Variants in PEX5L observed in about 807,000 individuals in gnomAD.
PEX5L encodes PEX5-related protein.
A neutral mutation model predicts 84.0 loss-of-function variants in PEX5L; 30 were observed. The observed-to-expected ratio is 0.36, with a 90% CI of 0.27 to 0.48. The LOEUF is 0.48. Among genes scored for constraint, PEX5L ranks in the 20% least tolerant of loss-of-function variants. PEX5L has a pLI of 0.99. For synonymous variants in PEX5L, 270 were observed against 283.1 expected, an observed-to-expected ratio of 0.95 and a Z score of 0.46; for missense variants, 533 against 754.6, an observed-to-expected ratio of 0.71 and a Z score of 3.44.
chr3:179,891,736 A>G (rs531344208), intron 3 of PEX5L, among the ~76,000 whole-genome samples: 1 of 152,286 alleles, frequency 6.6e-6, no homozygotes, highest in South Asian at 2.1e-4. Flanking sequence ...TTTTAGTCAT[A>G]GGAAGTCCCA....
chr3:179,900,140 A>G lies in PEX5L; in HGVS notation c.94-1894T>C, dbSNP rs1040888064. The stretch of plus-strand genomic sequence containing the variant: ...GCTATAAACTTAGTACATCTTTATA[A>G]GCTACACTCATTTACAGACTAAATA... On this transcript the variant is annotated intron_variant, in intron 2 of 14. Coordinates refer to ENST00000467460, the MANE Select transcript of PEX5L (RefSeq NM_016559.3). Among the ~76,000 whole-genome samples, 51 of 152,172 alleles carry G rather than the reference A, an allele frequency of 3.4e-4. 1 individual carries two copies. Among genetic ancestry groups the G allele is most frequent in the African/African-American group, 9.4e-4 (39 of 41,452 alleles).
At chr3:179,862,665 A>C (rs1560432361) in intron 7 of PEX5L, among the ~76,000 whole-genome samples, 1 of 152,250 alleles carries the variant, frequency 6.6e-6, no homozygotes, top group Non-Finnish European at 1.5e-5. Flanking sequence ...ATGGTAAGAA[A>C]TAAACTTTCT....
chr3:179,890,432 A>G (rs1298925549), intron 3 of PEX5L, among the ~76,000 whole-genome samples: 2 of 152,206 alleles, frequency 1.3e-5, no homozygotes, highest in African/African-American at 4.8e-5. Flanking sequence ...GACTAAACTC[A>G]ACCAATACAA....
At chr3:179,940,197 G>A (rs1775690598) in intron 2 of PEX5L, among the ~76,000 whole-genome samples, 3 of 152,134 alleles carry the variant, frequency 2.0e-5, no homozygotes, top group Non-Finnish European at 2.9e-5. Context: ...TGCAGACAGG[G>A]AAGTGGGCAT....
chr3:179,886,878 C>A (rs1374004945), intron 4 of PEX5L, among the ~76,000 whole-genome samples: 1 of 152,146 alleles, frequency 6.6e-6, no homozygotes. Context: ...TTTTCTTTTT[C>A]CATTAAATTC....
chr3:179,912,118 C>A (rs1023327448), intron 2 of PEX5L, among the ~76,000 whole-genome samples: 1 of 152,100 alleles, frequency 6.6e-6, no homozygotes, highest in Non-Finnish European at 1.5e-5. Context: ...AACATGATTG[C>A]CTGTATCTCT....
At chr3:179,935,695 C>A (rs1051408374) in intron 2 of PEX5L, among the ~76,000 whole-genome samples, 7 of 152,070 alleles carry the variant, frequency 4.6e-5, no homozygotes, top group African/African-American at 1.7e-4. Flanking sequence ...CCAAAACTCA[C>A]GTTGGAACCT....
intron 1 of PEX5L, among the ~76,000 whole-genome samples, chr3:180,009,819 C>T (rs1397978508): frequency 6.6e-6 from 1 of 152,164 alleles, no homozygotes; most frequent in Non-Finnish European, 1.5e-5. Context: ...TAGTTCACCT[C>T]TATGTGTCTG....
intron 1 of PEX5L, among the ~76,000 whole-genome samples, chr3:180,027,503 T>C (rs886496425): frequency 2.0e-5 from 3 of 152,228 alleles, no homozygotes; most frequent in African/African-American, 7.2e-5. Flanking sequence ...TCTATGTATA[T>C]ATACACACAC....
rs990882432 is a variant in PEX5L, at chr3:180,017,240, C to T, written c.21+19339G>A. 1.2e-4 allele frequency among the ~76,000 whole-genome samples: 19 copies of T among 152,282 alleles called. No individual in the cohort carries two copies. The South Asian group carries it at 3.5e-3, about 28-fold the overall frequency. On this transcript the variant is annotated intron_variant, in intron 1 of 14. Transcript: ENST00000467460. The stretch of plus-strand genomic sequence containing the variant: ...CCAAACTTAAATGTTTACACATCCC[C>T]AGACGGAAATATCTTTTATGATTTT...
intron 8 of PEX5L, among the ~76,000 whole-genome samples, chr3:179,849,228 G>A (rs1740816112): frequency 6.6e-6 from 1 of 152,108 alleles, no homozygotes; most frequent in Non-Finnish European, 1.5e-5. Flanking sequence ...TTTATACAAT[G>A]TATTTTGTAA....
intron 8 of PEX5L, among the ~76,000 whole-genome samples, chr3:179,832,243 G>C (rs760956183): frequency 2.6e-5 from 4 of 151,966 alleles, no homozygotes; most frequent in Non-Finnish European, 5.9e-5. Flanking sequence ...TACAGAAAGA[G>C]AGAGAGAGAC....
rs778717568 is a variant in PEX5L at position 179,879,951 on chromosome 3, C to T, written c.483G>A (p.Pro161=). 57 of 1,601,152 alleles carry T rather than the reference C, an allele frequency of 3.6e-5. No homozygotes were observed. In the Middle Eastern group the frequency reaches 5.0e-4, roughly 14 times the overall value. The change falls in exon 5 of 15, where the codon CCG becomes CCA. Residue 161 remains proline, a synonymous_variant. Transcript: ENST00000467460. The stretch of plus-strand genomic sequence containing the variant: ...TACCTAGATCTAAGGATGAAGTCTC[C>T]GGGACTCTGAGAGGCTGGCCTCTCT... The part of the protein sequence containing the change: ...AEQRGQPLRV[P]ETSSLDLDIQ...
chr3:179,834,077 C>T (rs370362833), intron 8 of PEX5L, among the ~76,000 whole-genome samples: 17 of 152,244 alleles, frequency 1.1e-4, no homozygotes, highest in African/African-American at 3.4e-4. Context: ...TGGGCTCAAG[C>T]GATCCTCTCT....
chr3:179,832,312 C>G (rs1733343875), intron 8 of PEX5L, among the ~76,000 whole-genome samples: 1 of 151,970 alleles, frequency 6.6e-6, no homozygotes, highest in South Asian at 2.1e-4. Context: ...CACCAACTAC[C>G]TGCCAACAAA....
At chr3:179,829,943 ATTTTT>A (rs11352022) in intron 8 of PEX5L, among the ~76,000 whole-genome samples, 1,401 of 83,710 alleles carry the variant, frequency 0.017, 23 homozygotes, top group African/African-American at 0.064. Flanking sequence ...GGCCTGGCTA[ATTTTT>A]TTTTTTTTTT....
chr3:179,999,246 T>C (rs1788170775), intron 1 of PEX5L, among the ~76,000 whole-genome samples: 1 of 152,180 alleles, frequency 6.6e-6, no homozygotes, highest in Admixed American at 6.5e-5. Flanking sequence ...TGAAGAAATT[T>C]GTATCCCATG....
rs140725817 is a variant in PEX5L at position 179,801,909 on chromosome 3, C to T, written c.1800G>A (p.Leu600=). ...IWAALRIALS[L]MDQPELFQAA... ...CCTGGAAGAGTTCTGGTTGGTCCAT[C>T]AGAGAGAGCGCAATTCTGAGGGCAG... Residue 600 remains leucine, a synonymous_variant, in exon 15 of 15, where the codon CTG becomes CTA. Coordinates refer to ENST00000467460, the MANE Select transcript of PEX5L (RefSeq NM_016559.3). The T allele has an allele frequency of 8.1e-6, 13 of 1,613,944 alleles. No individual in the cohort carries two copies. In the African/African-American group the frequency reaches 1.5e-4, roughly 18 times the overall value.
chr3:180,010,162 G>T (rs2110463432), intron 1 of PEX5L, among the ~76,000 whole-genome samples: 2 of 151,662 alleles, frequency 1.3e-5, no homozygotes, highest in Admixed American at 1.3e-4. Flanking sequence ...AGCCAGGATG[G>T]TCTCAATCTC....
Sources: allele counts gnomAD v4.1 joint callset (sites outside exome capture counted in the v4.1 genomes callset), GRCh38; gene constraint gnomAD v4.1.1; transcripts MANE v1.5; gene names NCBI Gene and HGNC (gene_info 2026-07-23, HGNC 2026-07-21).